The following CCAR1 variants were observed in gnomAD, a reference collection of about 807,000 sequenced individuals.
The protein encoded by CCAR1 is cell division cycle and apoptosis regulator protein 1.
Under a neutral mutation model 163.8 loss-of-function variants are expected in CCAR1, and 78 were observed. The observed-to-expected ratio is 0.48, with a 90% CI of 0.40 to 0.57. The LOEUF (loss-of-function observed/expected upper bound fraction) is 0.57, where lower values mean the gene tolerates loss of function less well. Among genes scored for constraint, CCAR1 ranks in the 20% least tolerant of loss-of-function variants. The pLI is 0.00. For missense variants in CCAR1, 1,019 were observed against 1,365.2 expected, an observed-to-expected ratio of 0.75 and a Z score of 4.00; for synonymous variants, 443 against 460.7, an observed-to-expected ratio of 0.96 and a Z score of 0.49.
intron 8 of CCAR1, among the ~76,000 whole-genome samples, chr10:68,748,761 A>G (rs1257305420): frequency 6.6e-6 from 1 of 151,956 alleles, no homozygotes; most frequent in Non-Finnish European, 1.5e-5. Context: ...TCACTGAGGC[A>G]TAGGTGCAGT....
intron 21 of CCAR1, among the ~76,000 whole-genome samples, chr10:68,787,172 CA>C (rs2056804661): frequency 6.6e-6 from 1 of 152,100 alleles, no homozygotes; most frequent in Admixed American, 6.6e-5. Context: ...CTTAGGACTA[CA>C]ATATATAAAA....
chr10:68,732,150 C>T (rs143768745), intron 2 of CCAR1, among the ~76,000 whole-genome samples: 5 of 152,176 alleles, frequency 3.3e-5, no homozygotes, highest in African/African-American at 1.2e-4. Flanking sequence ...GGCCGTGGTT[C>T]AGGTGGATGA....
chr10:68,725,493 A>G (rs1035560742), intron 2 of CCAR1, among the ~76,000 whole-genome samples: 7 of 151,952 alleles, frequency 4.6e-5, no homozygotes, highest in Non-Finnish European at 1.0e-4. Flanking sequence ...TCTTTTTAGG[A>G]AGAATTTTTT....
At chr10:68,760,818 C>T (rs2052639821) in intron 15 of CCAR1, 189 bp from the exon 16 acceptor site, 1 of 361,954 alleles carries the variant, frequency 2.8e-6, no homozygotes, top group South Asian at 5.1e-5. Context: ...AAGCCGAGAT[C>T]ACGCCACTGC....
chr10:68,775,687 CTTTTTTTTT>C (rs71028782), intron 19 of CCAR1, among the ~76,000 whole-genome samples: 3 of 51,762 alleles, frequency 5.8e-5, no homozygotes, highest in African/African-American at 2.5e-4. Flanking sequence ...TTTTTCTTTT[CTTTTTTTTT>C]TTTTTTTTTT....
rs1184090948 is a variant in CCAR1, at chr10:68,747,464, C to T, written c.724C>T (p.Pro242Ser). The T allele has an allele frequency of 3.1e-6, 5 of 1,613,804 alleles. No homozygotes were observed. Among genetic ancestry groups the T allele is most frequent in the Non-Finnish European group, 4.2e-6 (5 of 1,179,834 alleles). ...PQTTFGVQTQ[P>S]QPQSLLQAQI... is the part of the protein sequence containing the mutation. ...GACAACATTTGGTGTTCAGACTCAG[C>T]CCCAGCCCCAGTCACTGCTGCAGGC... The change falls in exon 8 of 25, where the codon CCC (proline) becomes TCC (serine). Residue 242 changes from proline to serine, a missense_variant. Coordinates refer to ENST00000265872, the MANE Select transcript of CCAR1 (RefSeq NM_018237.4).
chr10:68,780,682 C>G (rs1241607634), intron 19 of CCAR1, among the ~76,000 whole-genome samples: 1 of 152,142 alleles, frequency 6.6e-6, no homozygotes, highest in African/African-American at 2.4e-5. Context: ...GCCACTTTGA[C>G]TTTCTTTCAC....
chr10:68,786,747 C>T (rs1324619454), intron 21 of CCAR1, 55 bp downstream of exon 21: 15 of 1,459,544 alleles, frequency 1.0e-5, no homozygotes, highest in Non-Finnish European at 1.3e-5. Flanking sequence ...GTTACCTTTC[C>T]AGTGAAAAGT....
intron 16 of CCAR1, among the ~76,000 whole-genome samples, chr10:68,764,185 T>C (rs906519966): frequency 1.3e-5 from 2 of 152,206 alleles, no homozygotes; most frequent in African/African-American, 2.4e-5. Context: ...ATGCTATCTC[T>C]GCATGGATTA....
chr10:68,762,624 T>G (rs2056487649), intron 16 of CCAR1, among the ~76,000 whole-genome samples: 1 of 152,214 alleles, frequency 6.6e-6, no homozygotes, highest in African/African-American at 2.4e-5. Flanking sequence ...CATAATCAGT[T>G]TCTAAATCTT....
chr10:68,781,425 C>T (rs1456638512), intron 19 of CCAR1, among the ~76,000 whole-genome samples: 1 of 149,790 alleles, frequency 6.7e-6, no homozygotes, highest in Admixed American at 6.7e-5. Context: ...CACCTGTAAT[C>T]CCAGCTACTC....
chr10:68,744,830 ACT>A (rs979315563), intron 6 of CCAR1, among the ~76,000 whole-genome samples: 1 of 149,726 alleles, frequency 6.7e-6, no homozygotes, highest in Middle Eastern at 3.5e-3. Context: ...TATCTACTTA[ACT>A]CTTTTTTTTT....
intron 6 of CCAR1, among the ~76,000 whole-genome samples, chr10:68,746,509 A>G (rs1163151): frequency 0.88 from 134,290 of 152,152 alleles, 59,371 homozygotes; most frequent in African/African-American, 0.92. Context: ...TGCCCACCTT[A>G]GTCACCCAAA....
chr10:68,731,464 G>A (rs1239316941), intron 2 of CCAR1, among the ~76,000 whole-genome samples: 4 of 152,008 alleles, frequency 2.6e-5, no homozygotes, highest in African/African-American at 9.7e-5. Flanking sequence ...CATTCACAGT[G>A]ATTCCACAAA....
Position 68,781,596 on chromosome 10 carries a change from CTG to C in CCAR1, c.2651-4538_2651-4537del, listed in dbSNP as rs537280052. On this transcript the variant is annotated intron_variant, in intron 19 of 24. Transcript: ENST00000265872. The stretch of plus-strand genomic sequence containing the variant: ...TTAGGCTGGGCTCAGTGGTTCATGA[CTG>C]TAATACCAGTACTTTGGGAGGATAA... Among the ~76,000 whole-genome samples the C allele has an allele frequency of 2.3e-3, 352 of 151,788 alleles. 3 individuals carry two copies. The highest frequency in any genetic ancestry group is 7.9e-3 in the African/African-American group (328 of 41,390).
rs1175470309 is a variant in CCAR1, at chr10:68,780,585, G to GT, written c.2651-5543dup. Among the ~76,000 whole-genome samples the GT allele has an allele frequency of 2.6e-5, 4 of 151,872 alleles. No individual in the cohort carries two copies. The South Asian group carries it at 6.2e-4, about 24-fold the overall frequency. On this transcript the variant is annotated intron_variant, in intron 19 of 24. Transcript: ENST00000265872. ...AGTAGACACTTTATAGGCATGCTTT[G>GT]TTTTTTTTGCACTGCACTTTATTGT...
chr10:68,729,408 T>G (rs2056000970), intron 2 of CCAR1, among the ~76,000 whole-genome samples: 2 of 151,830 alleles, frequency 1.3e-5, no homozygotes, highest in Admixed American at 1.3e-4. Context: ...TAGCTGGGAC[T>G]ACAGGCGCCT....
chr10:68,786,780 T>C, intron 21 of CCAR1, 88 bp downstream of exon 21: 1 of 1,214,860 alleles, frequency 8.2e-7, no homozygotes, highest in Non-Finnish European at 1.2e-6. Context: ...TGTTGACTTT[T>C]TGATATATTA....
intron 19 of CCAR1, chr10:68,774,878 T>A (rs1375914448): frequency 2.2e-5 from 8 of 360,514 alleles, no homozygotes; most frequent in Non-Finnish European, 3.1e-5. Context: ...CTAGGTAGAT[T>A]TGTGGCTTTT....
Sources: gnomAD v4.1 joint callset for allele counts (sites outside exome capture counted in the v4.1 genomes callset) on GRCh38, gnomAD v4.1.1 for gene constraint, MANE v1.5 for transcripts, NCBI Gene and HGNC (gene_info 2026-07-23, HGNC 2026-07-21) for gene names.